Variants in EPHA5 observed in about 807,000 individuals in gnomAD.
EPHA5 encodes ephrin type-A receptor 5.
Under a neutral mutation model 105.0 loss-of-function variants are expected in EPHA5, and 60 were observed. The ratio of observed to expected loss-of-function variants is 0.57; its 90% confidence interval spans 0.46 to 0.71. EPHA5 has a LOEUF of 0.71. EPHA5 is among the 30% of genes least tolerant of loss of function. EPHA5 has a pLI of 0.00. For synonymous variants in EPHA5, 513 were observed against 449.1 expected (o/e 1.14, Z -1.80); for missense variants, 1,218 against 1,274.7 (o/e 0.96, Z 0.68).
At chr4:65,496,644 G>T (rs374472782) in intron 3 of EPHA5, among the ~76,000 whole-genome samples, 14 of 151,426 alleles carry the variant, frequency 9.2e-5, no homozygotes, top group African/African-American at 3.4e-4. Context: ...GGACATTTGG[G>T]TTGGTTCCAA....
chr4:65,356,298 T>C (rs960341403), intron 11 of EPHA5, among the ~76,000 whole-genome samples: 1 of 151,552 alleles, frequency 6.6e-6, no homozygotes, highest in Non-Finnish European at 1.5e-5. Flanking sequence ...GTGGTAAATA[T>C]GACCACTGCT....
intron 3 of EPHA5, among the ~76,000 whole-genome samples, chr4:65,518,943 G>A (rs982528244): frequency 1.3e-5 from 2 of 152,028 alleles, no homozygotes; most frequent in Non-Finnish European, 2.9e-5. Flanking sequence ...GAAAAAGAGG[G>A]AATCCTCCCT....
At chr4:65,363,925 C>T (rs1290626365) in intron 11 of EPHA5, among the ~76,000 whole-genome samples, 1 of 151,304 alleles carries the variant, frequency 6.6e-6, no homozygotes, top group South Asian at 2.1e-4. Context: ...TAAAGAATAT[C>T]CTCATTATAA....
At chr4:65,651,568 C>T (rs1210353270) in intron 1 of EPHA5, among the ~76,000 whole-genome samples, 1 of 152,146 alleles carries the variant, frequency 6.6e-6, no homozygotes. Flanking sequence ...AAAGAGATGA[C>T]TTTTATTTTT....
At chr4:65,669,059 TC>T (rs1750218556) in intron 1 of EPHA5, among the ~76,000 whole-genome samples, 1 of 151,568 alleles carries the variant, frequency 6.6e-6, no homozygotes, top group Non-Finnish European at 1.5e-5. Context: ...GCAGGCACTT[TC>T]CCCAAAAATA....
chr4:65,570,030 T>C (rs1739956658), intron 3 of EPHA5, among the ~76,000 whole-genome samples: 1 of 151,574 alleles, frequency 6.6e-6, no homozygotes, highest in African/African-American at 2.4e-5. Context: ...GTGTGTGTAA[T>C]TCAGTATGTG....
chr4:65,549,524 G>C (rs757404795), intron 3 of EPHA5, among the ~76,000 whole-genome samples: 1 of 144,732 alleles, frequency 6.9e-6, no homozygotes, highest in Admixed American at 7.2e-5. Context: ...TTGGGAAAGA[G>C]TTACTGGTAT....
At chr4:65,576,069 A>AAAAAAG (rs1483398188) in intron 3 of EPHA5, among the ~76,000 whole-genome samples, 2 of 80,144 alleles carry the variant, frequency 2.5e-5, no homozygotes, top group African/African-American at 9.4e-5. Context: ...AAAAGAAAAG[A>AAAAAAG]AAAGAAAAGA....
chr4:65,344,789 T>C (rs896331663), intron 14 of EPHA5, among the ~76,000 whole-genome samples: 2 of 152,174 alleles, frequency 1.3e-5, no homozygotes, highest in African/African-American at 4.8e-5. Context: ...GGTCTGGTCT[T>C]AGTCTAGACT....
intron 3 of EPHA5, among the ~76,000 whole-genome samples, chr4:65,535,013 C>A (rs112405272): frequency 2.1e-4 from 32 of 152,252 alleles, no homozygotes; most frequent in African/African-American, 7.0e-4. Context: ...CCTAAATTTA[C>A]TCACTCATGA....
At chr4:65,422,439 C>A (rs1458908428) in intron 5 of EPHA5, among the ~76,000 whole-genome samples, 1 of 152,024 alleles carries the variant, frequency 6.6e-6, no homozygotes, top group Non-Finnish European at 1.5e-5. Context: ...ATACCTTTTG[C>A]CCATTCTCTG....
intron 2 of EPHA5, among the ~76,000 whole-genome samples, chr4:65,620,489 G>A (rs1276940176): frequency 6.6e-6 from 1 of 152,092 alleles, no homozygotes; most frequent in Non-Finnish European, 1.5e-5. Context: ...AAATGAAAAT[G>A]TATTTGAGAG....
At chr4:65,424,221 A>C (rs1386508981) in intron 5 of EPHA5, among the ~76,000 whole-genome samples, 4 of 152,022 alleles carry the variant, frequency 2.6e-5, no homozygotes, top group African/African-American at 7.2e-5. Context: ...GACACAAACA[A>C]TGATATCAAT....
chr4:65,428,161 GTAAC>G (rs768168904), intron 5 of EPHA5, among the ~76,000 whole-genome samples: 26 of 152,064 alleles, frequency 1.7e-4, no homozygotes, highest in Middle Eastern at 6.8e-3. Flanking sequence ...AAGAAAATGA[GTAAC>G]TAAATTTCCT....
chr4:65,607,870 G>C (rs547382040), intron 2 of EPHA5, among the ~76,000 whole-genome samples: 1 of 152,118 alleles, frequency 6.6e-6, no homozygotes, highest in Non-Finnish European at 1.5e-5. Context: ...CTATTATAAA[G>C]ACACATGCAC....
chr4:65,392,747 G>C (rs182555617), intron 8 of EPHA5, among the ~76,000 whole-genome samples: 1 of 152,148 alleles, frequency 6.6e-6, no homozygotes, highest in Non-Finnish European at 1.5e-5. Context: ...GTTTATTTTA[G>C]AGATATTAAA....
intron 3 of EPHA5, among the ~76,000 whole-genome samples, chr4:65,562,681 C>A (rs898697934): frequency 3.3e-5 from 5 of 152,008 alleles, no homozygotes; most frequent in African/African-American, 1.2e-4. Flanking sequence ...TTTTCTATTA[C>A]GTTACAATTC....
At chr4:65,410,720 G>A (rs1722833389) in intron 7 of EPHA5, among the ~76,000 whole-genome samples, 1 of 152,130 alleles carries the variant, frequency 6.6e-6, no homozygotes, top group African/African-American at 2.4e-5. Flanking sequence ...AGAGTGGTCT[G>A]TATTGCTGTT....
intron 3 of EPHA5, among the ~76,000 whole-genome samples, chr4:65,551,835 A>G (rs1737952386): frequency 6.6e-6 from 1 of 152,218 alleles, no homozygotes; most frequent in Non-Finnish European, 1.5e-5. Context: ...CTATTACCAT[A>G]TAGGTAGTTA....
Sources: gnomAD v4.1 joint callset for allele counts (sites outside exome capture counted in the v4.1 genomes callset) on GRCh38, gnomAD v4.1.1 for gene constraint, MANE v1.5 for transcripts, NCBI Gene and HGNC (gene_info 2026-07-23, HGNC 2026-07-21) for gene names.